OLFM2: variants seen among roughly 807,000 people sequenced by gnomAD.
OLFM2 encodes the protein olfactomedin 2.
OLFM2 carries 20 observed loss-of-function variants against 43.9 expected under a neutral mutation model. The observed-to-expected ratio is 0.46, with a 90% CI of 0.32 to 0.66. The LOEUF (loss-of-function observed/expected upper bound fraction) is 0.66, where lower values mean the gene tolerates loss of function less well. OLFM2 is among the 30% of genes least tolerant of loss of function. The probability of loss-of-function intolerance (pLI) is 0.04; values close to 1 mark genes in which losing one functional copy is unlikely to be tolerated. For missense variants in OLFM2, 416 were observed against 643.6 expected, an observed-to-expected ratio of 0.65 and a Z score of 3.83; for synonymous variants, 268 against 278.6, an observed-to-expected ratio of 0.96 and a Z score of 0.38.
At chr19:9,908,464 ATTTTTTTTTTTTTTT>A (rs34305631) in intron 1 of OLFM2, among the ~76,000 whole-genome samples, 7 of 40,344 alleles carry the variant, frequency 1.7e-4, no homozygotes, top group South Asian at 1.3e-3. Flanking sequence ...CACCTGGCTA[ATTTTTTTTTTTTTTT>A]TTTTTTTTTT....
intron 1 of OLFM2, among the ~76,000 whole-genome samples, chr19:9,910,082 A>T (rs1188854322): frequency 6.6e-6 from 1 of 152,066 alleles, no homozygotes; most frequent in African/African-American, 2.4e-5. Context: ...AGGAAATCGA[A>T]TCCCAGCTTC....
chr19:9,925,120 C>T (rs927967547), intron 1 of OLFM2, among the ~76,000 whole-genome samples: 5 of 151,792 alleles, frequency 3.3e-5, no homozygotes, highest in East Asian at 3.9e-4. Context: ...CCAGGCCTGG[C>T]GGTGCATAGT....
intron 1 of OLFM2, among the ~76,000 whole-genome samples, chr19:9,877,318 G>A (rs2046498722): frequency 1.3e-5 from 2 of 151,294 alleles, no homozygotes; most frequent in Admixed American, 6.6e-5. Flanking sequence ...CAGATCACCT[G>A]AGGTCAGGAG....
intron 1 of OLFM2, among the ~76,000 whole-genome samples, chr19:9,919,511 C>T (rs998415618): frequency 6.6e-6 from 1 of 151,706 alleles, no homozygotes; most frequent in African/African-American, 2.4e-5. Context: ...GAGACAGAGT[C>T]TCGCTCTGTC....
In OLFM2 at chr19:9,854,002, G is replaced by C. The variant is rs2145425577; in HGVS notation, c.*184C>G. On this transcript the variant is annotated 3_prime_UTR_variant, in exon 6 of 6. Coordinates refer to ENST00000264833, the MANE Select transcript of OLFM2 (RefSeq NM_058164.4). The surrounding 1 kb of genome is among the most constrained non-coding windows in gnomAD (Gnocchi z 9.5). ...GTATTAAAAGCAGAGATCAATAAAG[G>C]AGAAGAGGGGAAATTGAAAAAATAG... 1 of 605,958 alleles carries C rather than the reference G, an allele frequency of 1.7e-6. No individual in the cohort carries two copies. Among genetic ancestry groups the C allele is most frequent in the Non-Finnish European group, 2.9e-6 (1 of 342,278 alleles). 37.5% of individuals were successfully genotyped at this position (605,958 alleles called of 1,614,324 possible).
At chr19:9,901,101 GGAAAAAGGAAGGAAGGAAAGAAA>G (rs1339780893) in intron 1 of OLFM2, among the ~76,000 whole-genome samples, 55 of 127,282 alleles carry the variant, frequency 4.3e-4, no homozygotes, top group Non-Finnish European at 6.8e-4. Flanking sequence ...AAGGAAGGAA[GGAAAAAGGAAGGAAGGAAAGAAA>G]GAAAAAGGAA....
At chr19:9,931,714 T>TAAA (rs778511487) in intron 1 of OLFM2, among the ~76,000 whole-genome samples, 1 of 134,046 alleles carries the variant, frequency 7.5e-6, no homozygotes, top group African/African-American at 2.8e-5. Flanking sequence ...ATCTCAAAAA[T>TAAA]AAAAAAAAAA....
intron 2 of OLFM2, 183 bp from the exon 3 acceptor site, chr19:9,858,044 C>G (rs1450927985): frequency 1.4e-6 from 1 of 717,004 alleles, no homozygotes; most frequent in Non-Finnish European, 2.4e-6. Flanking sequence ...ATCCATCGCT[C>G]CCTCCCTACT....
intron 1 of OLFM2, among the ~76,000 whole-genome samples, chr19:9,921,736 C>T (rs941636552): frequency 1.3e-5 from 2 of 152,090 alleles, no homozygotes; most frequent in African/African-American, 4.8e-5. Flanking sequence ...CCGCCCACCT[C>T]GGCCTCCCAA....
At chr19:9,935,405 C>T (rs1444242075) in intron 1 of OLFM2, among the ~76,000 whole-genome samples, 1 of 152,070 alleles carries the variant, frequency 6.6e-6, no homozygotes, top group African/African-American at 2.4e-5. Context: ...CCTCCCTGAG[C>T]CTGCCCAAGA....
At chr19:9,858,958 T>C (rs528789075) in intron 2 of OLFM2, among the ~76,000 whole-genome samples, 8 of 151,906 alleles carry the variant, frequency 5.3e-5, no homozygotes, top group Admixed American at 2.0e-4. Context: ...CTGGCTAAGG[T>C]AGACCCTCAC....
At chr19:9,928,839 T>C (rs1462125801) in intron 1 of OLFM2, among the ~76,000 whole-genome samples, 1 of 151,828 alleles carries the variant, frequency 6.6e-6, no homozygotes, top group Admixed American at 6.6e-5. Context: ...AATAAGCTTT[T>C]GTATACAGTC....
chr19:9,854,297 C>G lies in OLFM2; in HGVS notation c.1254G>C (p.Ser418=). The G allele has an allele frequency of 6.2e-7, 1 of 1,614,094 alleles. No homozygotes were observed. Among genetic ancestry groups the G allele is most frequent in the Non-Finnish European group, 8.5e-7 (1 of 1,180,018 alleles). The change falls in exon 6 of 6, where the codon TCG becomes TCC. Residue 418 remains serine (S), a synonymous_variant. Transcript: ENST00000264833. This position sits in a 1 kb window ranked among gnomAD's most constrained non-coding sequence, Gnocchi z 9.5. ...GCTCCCGGGGGTTGTAATCCAGCATCGAGATGTGGGAATACTGGTTGTGGA... is the reference window on the plus strand; with the variant it reads ...GCTCCCGGGGGTTGTAATCCAGCATGGAGATGTGGGAATACTGGTTGTGGA... ...VPFHNQYSHI[S]MLDYNPRERA... is the part of the protein sequence containing the mutation.
At position 9,868,477 on chromosome 19, in the gene OLFM2, G is replaced by C. The variant is rs549486208; in HGVS notation, c.64-7683C>G. Among the ~76,000 whole-genome samples the C allele has an allele frequency of 9.2e-5, 14 of 152,234 alleles. No homozygotes were observed. The South Asian group carries it at 2.9e-3, about 32-fold the overall frequency. On this transcript the variant is annotated intron_variant, in intron 1 of 5. Coordinates refer to ENST00000264833, the MANE Select transcript of OLFM2 (RefSeq NM_058164.4). ...CCACCTCAGCCTCCCAAAGTATTGG[G>C]ATTACAGGCGTGAGGCACTGTGTCC...
chr19:9,860,543 A>G, intron 2 of OLFM2, 102 bp downstream of exon 2: 1 of 1,294,870 alleles, frequency 7.7e-7, no homozygotes, highest in Non-Finnish European at 1.1e-6. Context: ...AATAATTTGC[A>G]TAGCTGGATA....
At chr19:9,894,678 C>T (rs1488484614) in intron 1 of OLFM2, among the ~76,000 whole-genome samples, 1 of 152,006 alleles carries the variant, frequency 6.6e-6, no homozygotes, top group Non-Finnish European at 1.5e-5. Context: ...CATTGCACTC[C>T]AGCCTGGGCA....
chr19:9,893,917 G>C (rs976893302), intron 1 of OLFM2, among the ~76,000 whole-genome samples: 2 of 152,232 alleles, frequency 1.3e-5, no homozygotes, highest in African/African-American at 4.8e-5. Flanking sequence ...ATAGATACTA[G>C]AGTTGAACAT....
At chr19:9,912,719 G>A (rs551987204) in intron 1 of OLFM2, among the ~76,000 whole-genome samples, 52 of 152,096 alleles carry the variant, frequency 3.4e-4, no homozygotes, top group African/African-American at 1.3e-3. Flanking sequence ...GGGATGGGAA[G>A]GCGCCATCCT....
At chr19:9,901,003 GAGGGAGGGAAGGAGGA>G (rs1410566935) in intron 1 of OLFM2, among the ~76,000 whole-genome samples, 1 of 56,880 alleles carries the variant, frequency 1.8e-5, no homozygotes, top group East Asian at 6.9e-4. Flanking sequence ...AGGGAGGGGG[GAGGGAGGGAAGGAGGA>G]AGGGAGGGAA....
Sources: gnomAD v4.1 joint callset for allele counts (sites outside exome capture counted in the v4.1 genomes callset) on GRCh38, gnomAD v4.1.1 for gene constraint, Gnocchi (gnomAD v3.1) non-coding constraint, MANE v1.5 for transcripts, NCBI Gene and HGNC (gene_info 2026-07-23, HGNC 2026-07-21) for gene names.